GALNT13: variants seen among roughly 807,000 people sequenced by gnomAD.
GALNT13 encodes UDP-GalNAc:polypeptide N-acetylgalactosaminyltransferase 13.
A neutral mutation model predicts 64.2 loss-of-function variants in GALNT13; 28 were observed. The observed-to-expected ratio is 0.44, with a 90% confidence interval of 0.32 to 0.60. GALNT13 has a LOEUF of 0.60. GALNT13 is among the 20% of genes least tolerant of loss of function. The pLI, the probability that GALNT13 is intolerant of heterozygous loss-of-function variation, is 0.05. For missense variants in GALNT13, 577 were observed against 669.8 expected (o/e 0.86, Z 1.53); for synonymous variants, 214 against 224.6 (o/e 0.95, Z 0.42).
chr2:154,246,767 A>G (rs1689804965), intron 7 of GALNT13, among the ~76,000 whole-genome samples: 1 of 152,048 alleles, frequency 6.6e-6, no homozygotes, highest in Non-Finnish European at 1.5e-5. Flanking sequence ...TTCTAGAAAC[A>G]TACACTTTAA....
chr2:153,082,573 T>TTATATATATATATA, the GALNT13 span, among the ~76,000 whole-genome samples: 4 of 40,566 alleles, frequency 9.9e-5, no homozygotes, highest in Non-Finnish European at 1.2e-4. Context: ...TTAGGCTGGT[T>TTATATATATATATA]TATATATATA....
chr2:153,307,547 A>T, the GALNT13 span, among the ~76,000 whole-genome samples: 1 of 152,258 alleles, frequency 6.6e-6, no homozygotes, highest in African/African-American at 2.4e-5. Context: ...ATTTCATGTT[A>T]TGTGTATTTA....
At chr2:154,010,837 A>G (rs1321799080) in intron 3 of GALNT13, among the ~76,000 whole-genome samples, 3 of 151,958 alleles carry the variant, frequency 2.0e-5, no homozygotes, top group Admixed American at 6.6e-5. Flanking sequence ...TCAATGGAAT[A>G]TTATATATTT....
At chr2:153,712,494 T>C in the GALNT13 span, among the ~76,000 whole-genome samples, 1 of 152,170 alleles carries the variant, frequency 6.6e-6, no homozygotes, top group African/African-American at 2.4e-5. Flanking sequence ...CTTAAATTTT[T>C]AGTTCATTTA....
chr2:153,306,634 A>G, the GALNT13 span, among the ~76,000 whole-genome samples: 1 of 152,244 alleles, frequency 6.6e-6, no homozygotes, highest in South Asian at 2.1e-4. Context: ...ACTGCCAGGC[A>G]TTCCTATACC....
chr2:154,160,150 C>A (rs775774193), intron 4 of GALNT13, among the ~76,000 whole-genome samples: 2 of 152,286 alleles, frequency 1.3e-5, no homozygotes, highest in Middle Eastern at 6.8e-3. Flanking sequence ...TTAAAAGTCT[C>A]ATTTTTAGAT....
the GALNT13 span, among the ~76,000 whole-genome samples, chr2:153,785,629 A>G: frequency 6.6e-6 from 1 of 151,852 alleles, no homozygotes; most frequent in East Asian, 2.0e-4. Flanking sequence ...AGGAATTTGG[A>G]GCCACTGTTA....
At chr2:154,126,651 AAAACAAAAAAAAG>A (rs1315631139) in intron 3 of GALNT13, among the ~76,000 whole-genome samples, 74 of 152,050 alleles carry the variant, frequency 4.9e-4, no homozygotes, top group Middle Eastern at 6.8e-3. Flanking sequence ...ACAAAAAAAA[AAAACAAAAAAAAG>A]AAAGAAAAGA....
At chr2:154,018,342 C>G (rs527871240) in intron 3 of GALNT13, among the ~76,000 whole-genome samples, 1 of 152,306 alleles carries the variant, frequency 6.6e-6, no homozygotes, top group Non-Finnish European at 1.5e-5. Context: ...GCCACTTCCT[C>G]CAGCTACCTG....
At chr2:154,339,778 G>C (rs958631252) in intron 9 of GALNT13, among the ~76,000 whole-genome samples, 1 of 151,830 alleles carries the variant, frequency 6.6e-6, no homozygotes, top group African/African-American at 2.4e-5. Flanking sequence ...ACTTTATTTT[G>C]ATAATCAATT....
intron 11 of GALNT13, among the ~76,000 whole-genome samples, chr2:154,416,039 C>A (rs533222825): frequency 6.6e-6 from 1 of 152,238 alleles, no homozygotes; most frequent in Non-Finnish European, 1.5e-5. Context: ...ACCACAACTT[C>A]TATAGAAACA....
intron 3 of GALNT13, among the ~76,000 whole-genome samples, chr2:153,980,435 T>C (rs950755867): frequency 6.6e-6 from 1 of 151,822 alleles, no homozygotes; most frequent in Non-Finnish European, 1.5e-5. Flanking sequence ...ATAAAGTTAG[T>C]GAAAAAGAGA....
intron 4 of GALNT13, among the ~76,000 whole-genome samples, chr2:154,152,919 C>T (rs1457232903): frequency 3.3e-5 from 5 of 152,194 alleles, no homozygotes; most frequent in Non-Finnish European, 7.3e-5. Flanking sequence ...CTGAAGCCTT[C>T]TTCTCTCAAC....
chr2:154,170,149 G>A (rs1685271750), intron 4 of GALNT13, among the ~76,000 whole-genome samples: 1 of 152,118 alleles, frequency 6.6e-6, no homozygotes, highest in South Asian at 2.1e-4. Flanking sequence ...TCCAGCTGCA[G>A]AAAAGAAAGA....
At chr2:153,228,562 C>G in the GALNT13 span, among the ~76,000 whole-genome samples, 2 of 152,090 alleles carry the variant, frequency 1.3e-5, no homozygotes, top group South Asian at 4.1e-4. Context: ...AATGCTAGAT[C>G]TTTCTGGAGA....
intron 3 of GALNT13, among the ~76,000 whole-genome samples, chr2:154,042,418 A>G (rs1025840129): frequency 1.4e-5 from 2 of 139,706 alleles, no homozygotes; most frequent in African/African-American, 4.9e-5. Flanking sequence ...AAACTAGCAG[A>G]CTTTTACTAC....
chr2:154,231,453 G>A lies in GALNT13; in HGVS notation c.312-10577G>A, dbSNP rs796514892. On this transcript the variant is annotated intron_variant, in intron 4 of 12. Coordinates refer to ENST00000392825, the MANE Select transcript of GALNT13 (RefSeq NM_052917.4). Reference sequence around the variant, plus strand: ...TTATAGATGGATTTTGTTTTGTTTTGTTTTTATTTTGGGTTGCTCTTTCAT... The same window carrying A: ...TTATAGATGGATTTTGTTTTGTTTTATTTTTATTTTGGGTTGCTCTTTCAT... Among the ~76,000 whole-genome samples the A allele has an allele frequency of 1.7e-4, 26 of 151,942 alleles. 1 individual carries two copies. The highest frequency in any genetic ancestry group is 6.3e-4 in the African/African-American group (26 of 41,494).
At chr2:153,636,461 C>A in the GALNT13 span, among the ~76,000 whole-genome samples, 1 of 152,072 alleles carries the variant, frequency 6.6e-6, no homozygotes, top group Non-Finnish European at 1.5e-5. Context: ...ATTTAATAGG[C>A]AGAATTTCCT....
At chr2:153,125,834 A>G in the GALNT13 span, among the ~76,000 whole-genome samples, 1 of 152,206 alleles carries the variant, frequency 6.6e-6, no homozygotes, top group East Asian at 1.9e-4. Flanking sequence ...TTGTTTAAGT[A>G]CATTTACATA....
Sources: gnomAD v4.1 joint callset for allele counts (sites outside exome capture counted in the v4.1 genomes callset) on GRCh38, gnomAD v4.1.1 for gene constraint, MANE v1.5 for transcripts, NCBI Gene and HGNC (gene_info 2026-07-23, HGNC 2026-07-21) for gene names.